Variants in RALGAPA1 observed in about 807,000 individuals in gnomAD.
RALGAPA1 encodes the protein ral GTPase-activating protein subunit alpha-1.
Under a neutral mutation model 269.6 loss-of-function variants are expected in RALGAPA1, and 52 were observed. That is an observed-to-expected ratio of 0.19 (90% CI 0.15 to 0.24). The LOEUF (loss-of-function observed/expected upper bound fraction) is 0.24. Among genes scored for constraint, RALGAPA1 ranks in the 10% least tolerant of loss-of-function variants. The pLI is 1.00. For synonymous variants in RALGAPA1, 817 were observed against 1,008.3 expected, an observed-to-expected ratio of 0.81 and a Z score of 3.60; for missense variants, 1,917 against 3,013.9, an observed-to-expected ratio of 0.64 and a Z score of 8.52.
intron 16 of RALGAPA1, 105 bp from the exon 17 acceptor site, chr14:35,700,407 C>A: frequency 1.2e-6 from 1 of 850,456 alleles, no homozygotes; most frequent in Non-Finnish European, 1.6e-6. Flanking sequence ...CTAAAAGGTA[C>A]AAAGGAAGGA....
intron 4 of RALGAPA1, chr14:35,766,186 A>T (rs2074127723): frequency 1.2e-6 from 1 of 839,178 alleles, no homozygotes; most frequent in African/African-American, 1.7e-5. Flanking sequence ...TTAGTTTCCC[A>T]TCATGGTCTC....
intron 12 of RALGAPA1, among the ~76,000 whole-genome samples, chr14:35,732,537 T>C (rs1445413885): frequency 6.6e-6 from 1 of 152,010 alleles, no homozygotes; most frequent in Non-Finnish European, 1.5e-5. Flanking sequence ...AGGACTCGCA[T>C]AAGTAAAGGG....
At chr14:35,619,481 C>T (rs573814965) in intron 35 of RALGAPA1, among the ~76,000 whole-genome samples, 3 of 152,046 alleles carry the variant, frequency 2.0e-5, no homozygotes, top group Admixed American at 6.5e-5. Flanking sequence ...TAGCAGAAGG[C>T]AAGAAATAAC....
intron 10 of RALGAPA1, among the ~76,000 whole-genome samples, chr14:35,746,328 C>A (rs1291856741): frequency 6.6e-5 from 10 of 152,078 alleles, no homozygotes; most frequent in Admixed American, 6.6e-4. Context: ...TTCTGGATAT[C>A]TAGCATGGTG....
intron 34 of RALGAPA1, among the ~76,000 whole-genome samples, chr14:35,625,933 T>C (rs1043360387): frequency 1.3e-5 from 2 of 152,224 alleles, no homozygotes; most frequent in South Asian, 2.1e-4. Flanking sequence ...TACAAATTAT[T>C]TTCATAAAAT....
chr14:35,743,653 T>C (rs971473124), intron 10 of RALGAPA1, among the ~76,000 whole-genome samples: 10 of 152,194 alleles, frequency 6.6e-5, no homozygotes, highest in East Asian at 1.9e-4. Flanking sequence ...CCAGTCATCA[T>C]TGTCTTTTTG....
At chr14:35,598,690 G>T (rs1212577573) in intron 36 of RALGAPA1, among the ~76,000 whole-genome samples, 1 of 152,108 alleles carries the variant, frequency 6.6e-6, no homozygotes, top group Non-Finnish European at 1.5e-5. Flanking sequence ...AAAGTGTTGG[G>T]ATTACAAGCA....
chr14:35,629,149 A>C (rs2061166909), intron 33 of RALGAPA1, among the ~76,000 whole-genome samples: 1 of 152,172 alleles, frequency 6.6e-6, no homozygotes, highest in Admixed American at 6.6e-5. Flanking sequence ...TGTGGAAGCC[A>C]GTTTGGGATT....
chr14:35,773,335 C>G (rs140211665), intron 3 of RALGAPA1, among the ~76,000 whole-genome samples: 74 of 152,070 alleles, frequency 4.9e-4, no homozygotes, highest in African/African-American at 1.7e-3. Flanking sequence ...AAGGTAGAGG[C>G]CCCCTACTAT....
intron 17 of RALGAPA1, among the ~76,000 whole-genome samples, chr14:35,691,100 T>C (rs1175188269): frequency 6.7e-6 from 1 of 150,002 alleles, no homozygotes; most frequent in Non-Finnish European, 1.5e-5. Flanking sequence ...ATTATTATTA[T>C]TATTATAGAT....
At chr14:35,596,085 C>T (rs1186194292) in intron 36 of RALGAPA1, among the ~76,000 whole-genome samples, 1 of 151,770 alleles carries the variant, frequency 6.6e-6, no homozygotes, top group African/African-American at 2.4e-5. Flanking sequence ...CAGAGCACAC[C>T]AAGGCCAGGG....
intron 16 of RALGAPA1, among the ~76,000 whole-genome samples, chr14:35,701,549 T>A (rs1322549989): frequency 3.9e-5 from 6 of 152,216 alleles, no homozygotes; most frequent in Non-Finnish European, 7.4e-5. Context: ...CATCATCACA[T>A]CATGACTTTG....
chr14:35,558,665 A>T (rs754902545), intron 39 of RALGAPA1, among the ~76,000 whole-genome samples: 19 of 152,344 alleles, frequency 1.2e-4, no homozygotes, highest in Non-Finnish European at 1.9e-4. Context: ...CAGTTCTGCA[A>T]CAGCTATTTT....
chr14:35,801,302 T>C (rs949442156), intron 1 of RALGAPA1, among the ~76,000 whole-genome samples: 7 of 151,420 alleles, frequency 4.6e-5, no homozygotes, highest in African/African-American at 1.7e-4. Context: ...AGAGTCTCGC[T>C]CTGTTGCCCT....
intron 1 of RALGAPA1, among the ~76,000 whole-genome samples, chr14:35,794,460 T>C (rs1019376662): frequency 6.6e-5 from 10 of 152,192 alleles, no homozygotes. Flanking sequence ...TGTTTTCTTT[T>C]TGTTTTTTTG....
intron 35 of RALGAPA1, among the ~76,000 whole-genome samples, chr14:35,614,083 T>A (rs946844655): frequency 1.3e-5 from 2 of 151,978 alleles, no homozygotes; most frequent in African/African-American, 2.4e-5. Context: ...CAATAACGAG[T>A]GTAGGCTAGG....
chr14:35,721,932 G>A, intron 15 of RALGAPA1, 83 bp from the exon 16 acceptor site: 2 of 1,176,654 alleles, frequency 1.7e-6, no homozygotes, highest in Non-Finnish European at 2.5e-6. Flanking sequence ...TTGCCTCAGA[G>A]TCTTAGGTTT....
At chr14:35,762,803 T>C in intron 4 of RALGAPA1, 50 bp from the exon 5 acceptor site, 1 of 1,133,408 alleles carries the variant, frequency 8.8e-7, no homozygotes. Flanking sequence ...TATTTGTAAA[T>C]GTCAGAGTTC....
chr14:35,664,842 C>A, intron 26 of RALGAPA1, 75 bp from the exon 27 acceptor site: 2 of 1,385,114 alleles, frequency 1.4e-6, no homozygotes, highest in East Asian at 2.3e-5. Context: ...CTTTGTTATC[C>A]AACTACATTA....
Sources: gnomAD v4.1 joint callset for allele counts (sites outside exome capture counted in the v4.1 genomes callset) on GRCh38, gnomAD v4.1.1 for gene constraint, MANE v1.5 for transcripts, NCBI Gene and HGNC (gene_info 2026-07-23, HGNC 2026-07-21) for gene names.